Variants in MAML3 observed in about 807,000 individuals in gnomAD.
MAML3 encodes mastermind-like protein 3.
A neutral mutation model predicts 101.9 loss-of-function variants in MAML3; 27 were observed. That is an observed-to-expected ratio of 0.27 (90% CI 0.20 to 0.37). The LOEUF (loss-of-function observed/expected upper bound fraction) is 0.37, where lower values mean the gene tolerates loss of function less well. Ranked by LOEUF, MAML3 falls within the 10% of genes least tolerant of loss-of-function variation. The probability of loss-of-function intolerance (pLI) is 1.00; values close to 1 mark genes in which losing one functional copy is unlikely to be tolerated. For synonymous variants in MAML3, 501 were observed against 555.9 expected, an observed-to-expected ratio of 0.90 and a Z score of 1.39; for missense variants, 1,316 against 1,444.9, an observed-to-expected ratio of 0.91 and a Z score of 1.45.
chr4:139,883,906 T>G, intron 2 of MAML3, among the ~76,000 whole-genome samples: 1 of 147,466 alleles, frequency 6.8e-6, no homozygotes, highest in Non-Finnish European at 1.5e-5. Context: ...TTTTTTTTTT[T>G]TTTTGAGAGT....
In MAML3 at chr4:139,790,038, T is replaced by C. The variant is rs775634401; in HGVS notation, c.2080-59371A>G. Among the ~76,000 whole-genome samples the C allele has an allele frequency of 3.2e-4, 49 of 151,906 alleles. No homozygotes were observed. The Middle Eastern group carries it at 0.01, about 32-fold the overall frequency. On this transcript the variant is annotated intron_variant, in intron 2 of 4. Coordinates refer to ENST00000509479, the MANE Select transcript of MAML3 (RefSeq NM_018717.5). ...TTGTTGGGAAGCTCAAATGGAAAACTGCAATTATTCAGGCACTTTTAACTA... is the reference window on the plus strand; with the variant it reads ...TTGTTGGGAAGCTCAAATGGAAAACCGCAATTATTCAGGCACTTTTAACTA...
intron 1 of MAML3, among the ~76,000 whole-genome samples, chr4:139,999,700 A>T (rs1734884918): frequency 6.6e-6 from 1 of 152,224 alleles, no homozygotes; most frequent in Non-Finnish European, 1.5e-5. Flanking sequence ...GTATAGTGTC[A>T]AATGTCATGC....
At chr4:140,152,414 G>C (rs980461512) in intron 1 of MAML3, among the ~76,000 whole-genome samples, 5 of 152,136 alleles carry the variant, frequency 3.3e-5, no homozygotes, top group Non-Finnish European at 7.4e-5. Context: ...CGGCGGATGT[G>C]CTGAGAGGGG....
intron 1 of MAML3, among the ~76,000 whole-genome samples, chr4:139,899,654 A>G (rs1732679065): frequency 6.6e-6 from 1 of 152,228 alleles, no homozygotes; most frequent in African/African-American, 2.4e-5. Context: ...AGGGCAGACT[A>G]ACAGGAAAAG....
intron 2 of MAML3, among the ~76,000 whole-genome samples, chr4:139,758,685 TTC>T (rs1729700314): frequency 6.6e-6 from 1 of 152,222 alleles, no homozygotes; most frequent in South Asian, 2.1e-4. Context: ...CCCGTTTATT[TTC>T]CAGCAACAAC....
At chr4:139,797,939 A>G (rs1032993971) in intron 2 of MAML3, among the ~76,000 whole-genome samples, 1 of 152,018 alleles carries the variant, frequency 6.6e-6, no homozygotes, top group Non-Finnish European at 1.5e-5. Flanking sequence ...ATATGTATAT[A>G]TAAAAAAGGA....
chr4:139,996,372 C>T (rs535615313), intron 1 of MAML3, among the ~76,000 whole-genome samples: 5 of 152,190 alleles, frequency 3.3e-5, no homozygotes, highest in Middle Eastern at 3.4e-3. Flanking sequence ...AAATCTTTGA[C>T]TAGTGTTGTT....
intron 1 of MAML3, among the ~76,000 whole-genome samples, chr4:139,944,112 C>T (rs561264124): frequency 1.4e-4 from 21 of 152,070 alleles, no homozygotes; most frequent in Non-Finnish European, 4.4e-5. Flanking sequence ...CCTAGTGATC[C>T]ACCTGCCTCG....
At chr4:140,086,804 A>G (rs1727959387) in intron 1 of MAML3, among the ~76,000 whole-genome samples, 1 of 152,238 alleles carries the variant, frequency 6.6e-6, no homozygotes, top group African/African-American at 2.4e-5. Flanking sequence ...GAAAAAAAAG[A>G]GAGATTTTAA....
intron 1 of MAML3, among the ~76,000 whole-genome samples, chr4:140,115,431 T>C (rs1160921947): frequency 6.6e-6 from 1 of 152,204 alleles, no homozygotes; most frequent in Non-Finnish European, 1.5e-5. Context: ...AAGCCACAAA[T>C]ATCCCTTATA....
chr4:140,018,250 T>C (rs1350966619), intron 1 of MAML3, among the ~76,000 whole-genome samples: 1 of 151,960 alleles, frequency 6.6e-6, no homozygotes, highest in East Asian at 1.9e-4. Context: ...CAAACAAATG[T>C]ATAACGCATA....
intron 1 of MAML3, among the ~76,000 whole-genome samples, chr4:140,066,612 T>A (rs1727540666): frequency 6.6e-6 from 1 of 152,108 alleles, no homozygotes; most frequent in Non-Finnish European, 1.5e-5. Context: ...AATACAAGGA[T>A]ATCCACAAAA....
chr4:139,903,181 T>A (rs979573931), intron 1 of MAML3, among the ~76,000 whole-genome samples: 2 of 152,208 alleles, frequency 1.3e-5, no homozygotes, highest in Non-Finnish European at 2.9e-5. Flanking sequence ...AGAAATGGCG[T>A]CTTGTTCTGT....
chr4:139,728,202 G>A (rs1283352658), intron 3 of MAML3, among the ~76,000 whole-genome samples: 1 of 152,118 alleles, frequency 6.6e-6, no homozygotes, highest in Non-Finnish European at 1.5e-5. Flanking sequence ...GTGACAAAGT[G>A]AGACCCTGTC....
At chr4:139,969,597 C>A (rs1734199611) in intron 1 of MAML3, among the ~76,000 whole-genome samples, 1 of 152,120 alleles carries the variant, frequency 6.6e-6, no homozygotes, top group Non-Finnish European at 1.5e-5. Flanking sequence ...GCAATAGTAA[C>A]ATATTTATGT....
intron 1 of MAML3, among the ~76,000 whole-genome samples, chr4:140,018,154 G>A (rs76148825): frequency 2.4e-4 from 36 of 152,168 alleles, no homozygotes; most frequent in African/African-American, 8.4e-4. Flanking sequence ...TTTAATTTGA[G>A]AACTACTCAG....
chr4:139,924,623 A>T (rs1733186180), intron 1 of MAML3, among the ~76,000 whole-genome samples: 1 of 149,794 alleles, frequency 6.7e-6, no homozygotes, highest in African/African-American at 2.6e-5. Context: ...CAGGTATACT[A>T]AAGTGTACTT....
At chr4:140,000,946 T>A (rs185233566) in intron 1 of MAML3, among the ~76,000 whole-genome samples, 1 of 151,824 alleles carries the variant, frequency 6.6e-6, no homozygotes, top group African/African-American at 2.4e-5. Flanking sequence ...GAGAATCACT[T>A]GAACCTGGGA....
chr4:139,951,528 C>T (rs769658), intron 1 of MAML3, among the ~76,000 whole-genome samples: 53,843 of 151,928 alleles, frequency 0.35, 9,896 homozygotes, highest in African/African-American at 0.41. Context: ...ACTTGGTCCC[C>T]GCATTTCTAT....
Sources: gnomAD v4.1 joint callset for allele counts (sites outside exome capture counted in the v4.1 genomes callset) on GRCh38, gnomAD v4.1.1 for gene constraint, MANE v1.5 for transcripts, NCBI Gene and HGNC (gene_info 2026-07-23, HGNC 2026-07-21) for gene names.